The following WWOX variants were observed in gnomAD, a reference collection of about 807,000 sequenced individuals.
The protein encoded by WWOX is WW domain-containing oxidoreductase.
WWOX carries 69 observed loss-of-function variants against 46.2 expected under a neutral mutation model. That is an observed-to-expected ratio of 1.49 (90% CI 1.23 to 1.82). The LOEUF is 1.82. Among genes scored for constraint, WWOX ranks in the 40% most tolerant of loss-of-function variants. The pLI, the probability that WWOX is intolerant of heterozygous loss-of-function variation, is 0.00. For missense variants in WWOX, 919 were observed against 542.6 expected, an observed-to-expected ratio of 1.69 and a Z score of -6.89; for synonymous variants, 359 against 202.6, an observed-to-expected ratio of 1.77 and a Z score of -6.56.
chr16:78,258,635 A>G (rs2038193691), intron 5 of WWOX, among the ~76,000 whole-genome samples: 2 of 151,386 alleles, frequency 1.3e-5, no homozygotes, highest in African/African-American at 4.9e-5. Flanking sequence ...GAGTTTGGCA[A>G]AAATGATAGA....
intron 8 of WWOX, among the ~76,000 whole-genome samples, chr16:78,928,349 C>G (rs931778499): frequency 6.6e-6 from 1 of 151,528 alleles, no homozygotes; most frequent in Non-Finnish European, 1.5e-5. Context: ...ACTACAGGCG[C>G]CCGCTACCAC....
chr16:79,071,944 G>T (rs1196546383), intron 8 of WWOX, among the ~76,000 whole-genome samples: 1 of 152,106 alleles, frequency 6.6e-6, no homozygotes, highest in African/African-American at 2.4e-5. Context: ...TGGCTCACTT[G>T]TTCATTCATT....
intron 8 of WWOX, among the ~76,000 whole-genome samples, chr16:78,796,910 C>G (rs916919868): frequency 1.3e-5 from 2 of 150,238 alleles, no homozygotes; most frequent in South Asian, 2.1e-4. Context: ...ACTGCAAATT[C>G]TGCCTGCTAA....
At chr16:79,071,641 G>C (rs1301752034) in intron 8 of WWOX, among the ~76,000 whole-genome samples, 1 of 152,230 alleles carries the variant, frequency 6.6e-6, no homozygotes, top group Non-Finnish European at 1.5e-5. Context: ...CTCTCTGCTG[G>C]TTTTGCTAAA....
chr16:78,342,760 G>A (rs2081038638), intron 5 of WWOX, among the ~76,000 whole-genome samples: 1 of 120,384 alleles, frequency 8.3e-6, no homozygotes, highest in African/African-American at 2.8e-5. Context: ...GGTTTGAAAG[G>A]GTACCTAAAA....
chr16:78,604,593 T>C (rs2045699252), intron 8 of WWOX, among the ~76,000 whole-genome samples: 1 of 152,092 alleles, frequency 6.6e-6, no homozygotes, highest in African/African-American at 2.4e-5. Flanking sequence ...TTTAGGATTC[T>C]ATTATTTACC....
At chr16:79,013,937 C>T (rs549524213) in intron 8 of WWOX, among the ~76,000 whole-genome samples, 88 of 152,268 alleles carry the variant, frequency 5.8e-4, no homozygotes, top group African/African-American at 1.9e-3. Flanking sequence ...AACACCTCCT[C>T]CCCAGAGAGG....
chr16:78,867,635 G>A (rs937629465), intron 8 of WWOX, among the ~76,000 whole-genome samples: 3 of 151,960 alleles, frequency 2.0e-5, no homozygotes, highest in Admixed American at 6.6e-5. Context: ...CAACATCCCA[G>A]GTTCAAGAGA....
chr16:78,186,431 A>T (rs2035706602), intron 5 of WWOX, among the ~76,000 whole-genome samples: 1 of 152,150 alleles, frequency 6.6e-6, no homozygotes, highest in Admixed American at 6.5e-5. Flanking sequence ...ATATCCTTTG[A>T]CTTGTTGGAA....
At chr16:78,556,191 C>G (rs1228505935) in intron 8 of WWOX, among the ~76,000 whole-genome samples, 1 of 151,082 alleles carries the variant, frequency 6.6e-6, no homozygotes. Context: ...GCTTTAACAG[C>G]AAATGCCAGC....
chr16:78,757,615 T>C (rs1035282899), intron 8 of WWOX, among the ~76,000 whole-genome samples: 41 of 152,134 alleles, frequency 2.7e-4, no homozygotes, highest in African/African-American at 8.4e-4. Context: ...TGTAAAAACA[T>C]TTGTATTTAT....
intron 8 of WWOX, among the ~76,000 whole-genome samples, chr16:78,456,296 G>A (rs2083814896): frequency 6.6e-6 from 1 of 152,146 alleles, no homozygotes; most frequent in Non-Finnish European, 1.5e-5. Context: ...GAAATGTCAC[G>A]AGTGTCTGTG....
intron 8 of WWOX, among the ~76,000 whole-genome samples, chr16:78,959,140 A>G (rs751663773): frequency 3.9e-5 from 6 of 152,326 alleles, no homozygotes; most frequent in African/African-American, 9.6e-5. Flanking sequence ...ACCGCTAGGT[A>G]TTTCCTTGTA....
intron 6 of WWOX, among the ~76,000 whole-genome samples, chr16:78,406,691 A>G (rs11643574): frequency 0.065 from 9,790 of 150,194 alleles, 501 homozygotes; most frequent in East Asian, 0.22. Flanking sequence ...TAGTGGCGCA[A>G]TCTCGGCTCA....
chr16:78,255,562 G>T (rs1277378932), intron 5 of WWOX, among the ~76,000 whole-genome samples: 1 of 152,148 alleles, frequency 6.6e-6, no homozygotes, highest in Non-Finnish European at 1.5e-5. Flanking sequence ...TAGGGGGCAT[G>T]TTTACTCTCC....
intron 8 of WWOX, chr16:78,552,951 G>A (rs2044208649): frequency 6.6e-6 from 1 of 152,346 alleles, no homozygotes; most frequent in Non-Finnish European, 1.5e-5. Flanking sequence ...GGTTGGGCAG[G>A]AGGCAGAGGG....
chr16:78,101,197 G>A (rs1194830112), intron 1 of WWOX, among the ~76,000 whole-genome samples: 1 of 151,234 alleles, frequency 6.6e-6, no homozygotes, highest in Admixed American at 6.6e-5. Flanking sequence ...ACAGGCGCCC[G>A]CCACCACGCC....
intron 8 of WWOX, among the ~76,000 whole-genome samples, chr16:79,129,820 C>T (rs1372804576): frequency 1.3e-5 from 2 of 152,128 alleles, no homozygotes; most frequent in East Asian, 1.9e-4. Context: ...ATGGACCAGT[C>T]GAAGGAGGGT....
At chr16:79,081,223 G>C (rs2048754658) in intron 8 of WWOX, among the ~76,000 whole-genome samples, 1 of 152,140 alleles carries the variant, frequency 6.6e-6, no homozygotes, top group South Asian at 2.1e-4. Flanking sequence ...GAGTGCAGTG[G>C]CAGCATCTTG....
Sources: allele counts gnomAD v4.1 joint callset (sites outside exome capture counted in the v4.1 genomes callset), GRCh38; gene constraint gnomAD v4.1.1; transcripts MANE v1.5; gene names NCBI Gene and HGNC (gene_info 2026-07-23, HGNC 2026-07-21).